The following PNKD variants were observed in gnomAD, a reference collection of about 807,000 sequenced individuals.
The protein encoded by PNKD is probable thioesterase PNKD.
In PNKD, 36 loss-of-function variants were observed where a neutral mutation model predicts 45.3. The observed-to-expected ratio is 0.80, with a 90% CI of 0.61 to 1.05. The LOEUF (loss-of-function observed/expected upper bound fraction) is 1.05. Among genes scored for constraint, PNKD ranks in the 50% least tolerant of loss-of-function variants. The pLI is 0.00. For missense variants in PNKD, 511 were observed against 506.6 expected, an observed-to-expected ratio of 1.01 and a Z score of -0.08; for synonymous variants, 197 against 210.1, an observed-to-expected ratio of 0.94 and a Z score of 0.54.
Position 218,345,014 on chromosome 2 carries a change from C to A in PNKD, c.*33C>A. ...AGCGCCCCCAGCCCAGCCCACTCCC[C>A]GCATGGGGAGGCCGCCACCACCAAC... On this transcript the variant is annotated 3_prime_UTR_variant, in exon 10 of 10. Coordinates refer to ENST00000273077, the MANE Select transcript of PNKD (RefSeq NM_015488.5). The A allele has an allele frequency of 6.4e-7, 1 of 1,564,326 alleles. No homozygotes were observed. The highest frequency in any genetic ancestry group is 8.7e-7 in the Non-Finnish European group (1 of 1,148,014).
intron 2 of PNKD, chr2:218,277,390 GACTGA>G: frequency 6.2e-7 from 1 of 1,614,130 alleles, no homozygotes. Context: ...AGAAGATGGT[GACTGA>G]AATGGATACC....
intron 2 of PNKD, chr2:218,279,958 C>T: frequency 8.5e-7 from 1 of 1,173,838 alleles, no homozygotes; most frequent in Non-Finnish European, 1.3e-6. Flanking sequence ...GCTACTGTGG[C>T]CTACCCACTT....
intron 2 of PNKD, among the ~76,000 whole-genome samples, chr2:218,321,221 C>A (rs1693976932): frequency 1.3e-5 from 2 of 152,180 alleles, no homozygotes; most frequent in Admixed American, 1.3e-4. Context: ...GCCTTACCTG[C>A]AGAAAGTTGT....
At chr2:218,318,950 C>CTTTTTTTTTTTTTTTTTTTTTTTTTTT (rs769001811) in intron 2 of PNKD, among the ~76,000 whole-genome samples, 1 of 99,900 alleles carries the variant, frequency 1.0e-5, no homozygotes, top group Non-Finnish European at 1.9e-5. Context: ...TTTTTTTTTT[C>CTTTTTTTTTTTTTTTTTTTTTTTTTTT]TTTTTTTTTT....
Position 218,271,545 on chromosome 2 carries a change from G to A in PNKD, c.232G>A (p.Ala78Thr). ...GAACCCCATGAAAGCTGTGGGACTG[G>A]CCTGGTGAGTTTTAACCACCCCTTT... ...GKNPMKAVGL[A>T]WYSLYTRTWL... The change falls in exon 2 of 10, where the codon GCC (alanine) becomes ACC (threonine). Residue 78 changes from alanine (A) to threonine (T), a missense_variant. Ala to Thr is a moderately conservative substitution (Grantham distance 58). Coordinates refer to ENST00000273077, the MANE Select transcript of PNKD (RefSeq NM_015488.5). 1.2e-6 allele frequency: 2 copies of A among 1,614,114 alleles called. No individual in the cohort carries two copies. Among genetic ancestry groups the A allele is most frequent in the South Asian group, 1.1e-5 (1 of 91,076 alleles).
intron 2 of PNKD, among the ~76,000 whole-genome samples, chr2:218,306,192 T>C (rs1212505431): frequency 6.6e-6 from 1 of 152,128 alleles, no homozygotes; most frequent in Non-Finnish European, 1.5e-5. Flanking sequence ...TGAGACCATG[T>C]CGCTAAAACA....
At chr2:218,316,493 A>G (rs1693819359) in intron 2 of PNKD, among the ~76,000 whole-genome samples, 1 of 151,500 alleles carries the variant, frequency 6.6e-6, no homozygotes, top group Non-Finnish European at 1.5e-5. Flanking sequence ...CTGGTTTCGA[A>G]CTCCTGAGCT....
At chr2:218,299,904 A>T (rs1292935333) in intron 2 of PNKD, among the ~76,000 whole-genome samples, 1 of 152,048 alleles carries the variant, frequency 6.6e-6, no homozygotes, top group Non-Finnish European at 1.5e-5. Context: ...TACAGGCGTG[A>T]GCCACCGCGC....
At chr2:218,344,703 C>A in intron 9 of PNKD, 105 bp from the exon 10 acceptor site, 1 of 1,429,214 alleles carries the variant, frequency 7.0e-7, no homozygotes, top group African/African-American at 1.4e-5. Flanking sequence ...GCCCTCAAGT[C>A]AGAACTCCTG....
At chr2:218,277,209 TC>T in intron 2 of PNKD, 1 of 1,164,588 alleles carries the variant, frequency 8.6e-7, no homozygotes, top group Non-Finnish European at 1.3e-6. Flanking sequence ...TATGGGAATG[TC>T]CACAACATTC....
Position 218,282,159 on chromosome 2 carries a change from G to T in PNKD, c.236+10610G>T, listed in dbSNP as rs2292555. 1.7e-3 allele frequency: 2,454 copies of T among 1,462,870 alleles called. 41 individuals carry two copies. The African/African-American group carries it at 0.032, about 19-fold the overall frequency. 90.6% of individuals were successfully genotyped at this position (1,462,870 alleles called of 1,614,324 possible). On this transcript the variant is annotated intron_variant, in intron 2 of 9. Coordinates refer to ENST00000273077, the MANE Select transcript of PNKD (RefSeq NM_015488.5). ...TTGGACATGGCTGCTCACGGGCTGA[G>T]GGGGAACCCCAGCTGCTGGGACCTG...
At chr2:218,325,422 G>A (rs189360737) in intron 2 of PNKD, among the ~76,000 whole-genome samples, 1 of 151,384 alleles carries the variant, frequency 6.6e-6, no homozygotes, top group Admixed American at 6.6e-5. Context: ...TGGTCAGGCT[G>A]GTCTTCAACT....
intron 2 of PNKD, among the ~76,000 whole-genome samples, chr2:218,331,920 T>C (rs1694335515): frequency 1.3e-5 from 2 of 152,162 alleles, no homozygotes; most frequent in South Asian, 4.1e-4. Context: ...TCTGAGTATG[T>C]TGGGATTTAT....
At chr2:218,292,691 A>C (rs1693021067) in intron 2 of PNKD, 1 of 152,236 alleles carries the variant, frequency 6.6e-6, no homozygotes, top group Non-Finnish European at 1.5e-5. Flanking sequence ...TTTCGGATTT[A>C]AAGGCAATAC....
intron 2 of PNKD, among the ~76,000 whole-genome samples, chr2:218,305,536 G>A (rs1693382918): frequency 6.6e-6 from 1 of 151,144 alleles, no homozygotes; most frequent in Non-Finnish European, 1.5e-5. Context: ...ATTTTTTGTA[G>A]AGGTGGGGTC....
intron 2 of PNKD, among the ~76,000 whole-genome samples, chr2:218,310,089 CT>C (rs1359823637): frequency 1.3e-5 from 2 of 152,152 alleles, no homozygotes; most frequent in African/African-American, 4.8e-5. Flanking sequence ...CTGGCATTTC[CT>C]CCTAAACAAA....
rs114055051 is a variant in PNKD, at chr2:218,342,312, T to C, written c.781+168T>C. 2.6e-3 allele frequency among the ~76,000 whole-genome samples: 400 copies of C among 152,286 alleles called. 4 individuals are homozygous for C. The highest frequency in any genetic ancestry group is 9.1e-3 in the African/African-American group (378 of 41,576). On this transcript the variant is annotated intron_variant, in intron 7 of 9. Transcript: ENST00000273077. ...TTGGTTTTAATCCTTGAGACTTCCC[T>C]TGGGGCACCTTGGGAGGCTGAGGCA...
intron 2 of PNKD, among the ~76,000 whole-genome samples, chr2:218,295,456 G>A (rs563573887): frequency 6.6e-6 from 1 of 152,328 alleles, no homozygotes; most frequent in South Asian, 2.1e-4. Flanking sequence ...AACCCAGTGT[G>A]GGGAATGGGG....
At chr2:218,273,563 C>G (rs1327385722) in intron 2 of PNKD, among the ~76,000 whole-genome samples, 1 of 151,260 alleles carries the variant, frequency 6.6e-6, no homozygotes, top group African/African-American at 2.4e-5. Flanking sequence ...TCACTGCAAC[C>G]TCCACCTTCT....
Sources: allele counts gnomAD v4.1 joint callset (sites outside exome capture counted in the v4.1 genomes callset), GRCh38; gene constraint gnomAD v4.1.1; transcripts MANE v1.5; gene names NCBI Gene and HGNC (gene_info 2026-07-23, HGNC 2026-07-21).